Variants in ADAMTS14 observed in about 807,000 individuals in gnomAD.
ADAMTS14 encodes the protein A disintegrin and metalloproteinase with thrombospondin motifs 14.
Under a neutral mutation model 128.6 loss-of-function variants are expected in ADAMTS14, and 100 were observed. That is an observed-to-expected ratio of 0.78 (90% confidence interval 0.66 to 0.92). ADAMTS14 has a LOEUF of 0.92. Among genes scored for constraint, ADAMTS14 ranks in the 40% least tolerant of loss-of-function variants. ADAMTS14 has a pLI of 0.00. For missense variants in ADAMTS14, 1,562 were observed against 1,658.6 expected, an observed-to-expected ratio of 0.94 and a Z score of 1.01; for synonymous variants, 665 against 653.8, an observed-to-expected ratio of 1.02 and a Z score of -0.26.
At chr10:70,720,805 A>C (rs555112760) in intron 4 of ADAMTS14, among the ~76,000 whole-genome samples, 1 of 152,304 alleles carries the variant, frequency 6.6e-6, no homozygotes, top group Non-Finnish European at 1.5e-5. Context: ...GTTTGTGTAG[A>C]TACACGCACC....
intron 3 of ADAMTS14, among the ~76,000 whole-genome samples, chr10:70,703,970 G>C (rs1227979040): frequency 6.6e-6 from 1 of 152,236 alleles, no homozygotes; most frequent in Non-Finnish European, 1.5e-5. Context: ...CAGTCGTGGG[G>C]CTGAGCCCAG....
intron 4 of ADAMTS14, among the ~76,000 whole-genome samples, chr10:70,723,211 A>G (rs1841325426): frequency 6.6e-6 from 1 of 152,204 alleles, no homozygotes; most frequent in Non-Finnish European, 1.5e-5. Flanking sequence ...AGTGCTGCTC[A>G]AGACTTTTGA....
At chr10:70,750,744 G>A (rs1280787952) in intron 16 of ADAMTS14, among the ~76,000 whole-genome samples, 1 of 152,144 alleles carries the variant, frequency 6.6e-6, no homozygotes, top group Non-Finnish European at 1.5e-5. Context: ...GCCATTCAAT[G>A]GGGAAAGAAT....
In ADAMTS14 at chr10:70,744,093, T is replaced by A; in HGVS notation, c.2086T>A (p.Ser696Thr). ...VPVGCDKEVG[S>T]MKADDKCGVC... ...TGTCGGCTGTGACAAGGAGGTGGGGTCCATGAAGGCGGATGACAAGTGTGG... is the reference window on the plus strand; with the variant it reads ...TGTCGGCTGTGACAAGGAGGTGGGGACCATGAAGGCGGATGACAAGTGTGG... The change falls in exon 14 of 22, where the codon TCC becomes ACC. Residue 696 changes from serine (S) to threonine (T), a missense_variant. By Grantham distance (58) the Ser-to-Thr change is moderately conservative. Transcript: ENST00000373207. 6.4e-7 allele frequency: 1 copy of A among 1,565,018 alleles called. No homozygotes were observed. Among genetic ancestry groups the A allele is most frequent in the East Asian group, 2.4e-5 (1 of 41,818 alleles).
chr10:70,688,276 C>G (rs1168055653), intron 2 of ADAMTS14, among the ~76,000 whole-genome samples: 1 of 65,652 alleles, frequency 1.5e-5, no homozygotes, highest in Non-Finnish European at 3.2e-5. Flanking sequence ...GATGGGCGGC[C>G]GGGCAGAGAG....
chr10:70,712,196 C>T (rs773904903), intron 4 of ADAMTS14, among the ~76,000 whole-genome samples: 6 of 151,914 alleles, frequency 3.9e-5, no homozygotes, highest in Admixed American at 1.3e-4. Context: ...TAGGAGGCCA[C>T]GCTGAGAGCC....
chr10:70,757,150 C>T (rs1459588280), intron 19 of ADAMTS14, among the ~76,000 whole-genome samples: 1 of 152,090 alleles, frequency 6.6e-6, no homozygotes, highest in African/African-American at 2.4e-5. Flanking sequence ...CGCTGCTTTC[C>T]TGGAGTCCCT....
chr10:70,751,548 T>C lies in ADAMTS14; in HGVS notation c.2498T>C (p.Leu833Pro), dbSNP rs751338992. The change falls in exon 17 of 22, where the codon CTG (leucine) becomes CCG (proline). Residue 833 changes from leucine (L) to proline (P), a missense_variant. By Grantham distance (98) the Leu-to-Pro change is moderately conservative (BLOSUM62 -3). Transcript: ENST00000373207. ...AYKYVIHEDL[L>P]PLIGSNNVLL... ...AAGTACGTCATCCATGAGGACCTGC[T>C]GCCCCTTATCGGGAGCAACAATGTG... is the stretch of plus-strand genomic sequence containing the variant. The C allele has an allele frequency of 2.9e-5, 47 of 1,613,736 alleles. No individual in the cohort carries two copies. The East Asian group carries it at 1.0e-3, about 35-fold the overall frequency.
At chr10:70,746,394 A>G (rs1289933307) in intron 15 of ADAMTS14, among the ~76,000 whole-genome samples, 1 of 152,242 alleles carries the variant, frequency 6.6e-6, no homozygotes, top group Non-Finnish European at 1.5e-5. Context: ...ACAGAGAGAG[A>G]ATAGATCCGT....
chr10:70,697,278 C>T (rs1315869258), intron 2 of ADAMTS14, among the ~76,000 whole-genome samples: 2 of 152,230 alleles, frequency 1.3e-5, no homozygotes, highest in Non-Finnish European at 2.9e-5. Flanking sequence ...GGGCATTTGG[C>T]AAACGTAGGC....
Position 70,744,180 on chromosome 10 carries a change from A to G in ADAMTS14, c.2173A>G (p.Lys725Glu). The part of the protein sequence containing the change: ...TVKGTLGKAS[K>E]QAGALKLVQI... The stretch of plus-strand genomic sequence containing the variant: ...GAAGGGGACGCTGGGCAAGGCCTCC[A>G]AGCAGGCAGGTGAGCCGGGCTGGGG... The change falls in exon 14 of 22, where the codon AAG becomes GAG. Residue 725 changes from lysine (K) to glutamate (E), a missense_variant. Lys to Glu is a moderately conservative substitution (Grantham distance 56). Coordinates refer to ENST00000373207, the MANE Select transcript of ADAMTS14 (RefSeq NM_080722.4). The G allele has an allele frequency of 6.5e-7, 1 of 1,534,438 alleles. No homozygotes were observed. The highest frequency in any genetic ancestry group is 2.0e-5 in the Admixed American group (1 of 50,246).
chr10:70,735,065 C>T, intron 8 of ADAMTS14, 104 bp from the exon 9 acceptor site: 1 of 1,450,430 alleles, frequency 6.9e-7, no homozygotes, highest in Non-Finnish European at 9.3e-7. Context: ...ATAGCGGGTG[C>T]AAATTCTTGC....
At chr10:70,722,355 C>G (rs36092742) in intron 4 of ADAMTS14, among the ~76,000 whole-genome samples, 20,957 of 152,170 alleles carry the variant, frequency 0.14, 1,763 homozygotes, top group Middle Eastern at 0.2. Context: ...GGCCATTCCT[C>G]TGTCTTCAAG....
At chr10:70,684,172 C>A (rs1839891555) in intron 2 of ADAMTS14, among the ~76,000 whole-genome samples, 1 of 151,848 alleles carries the variant, frequency 6.6e-6, no homozygotes, top group African/African-American at 2.4e-5. Flanking sequence ...GTGCTACACA[C>A]TTTTAAACAA....
chr10:70,708,534 A>AG, intron 3 of ADAMTS14, 54 bp from the exon 4 acceptor site: 5 of 1,510,840 alleles, frequency 3.3e-6, no homozygotes, highest in Non-Finnish European at 4.5e-6. Flanking sequence ...GCAATGTCAC[A>AG]GTGACAGCCC....
intron 19 of ADAMTS14, among the ~76,000 whole-genome samples, chr10:70,755,065 G>C (rs1005068534): frequency 1.3e-5 from 2 of 152,148 alleles, no homozygotes; most frequent in Admixed American, 1.3e-4. Context: ...CAGATCTTTG[G>C]GAGGCTGATG....
intron 4 of ADAMTS14, among the ~76,000 whole-genome samples, chr10:70,712,883 T>G (rs1840905670): frequency 6.6e-6 from 1 of 152,184 alleles, no homozygotes; most frequent in Admixed American, 6.5e-5. Flanking sequence ...AGTGGCAGCA[T>G]CTCCCAGGCT....
At position 70,677,413 on chromosome 10, in the gene ADAMTS14, G is replaced by GATATTTGTCC. The variant is rs1161710752; in HGVS notation, c.522+2419_522+2420insTATTTGTCCA. The stretch of plus-strand genomic sequence containing the variant: ...GCTTTACTCTTCTCATTTGTCCAAA[G>GATATTTGTCC]AGGGACTATACTTGATATTCCCTGG... On this transcript the variant is annotated intron_variant, in intron 2 of 21. Transcript: ENST00000373207. Among the ~76,000 whole-genome samples, 41 of 152,312 alleles carry GATATTTGTCC rather than the reference G, an allele frequency of 2.7e-4. 2 individuals carry two copies. In the South Asian group the frequency reaches 7.9e-3, roughly 29 times the overall value.
At chr10:70,746,298 A>G (rs376927775) in intron 15 of ADAMTS14, among the ~76,000 whole-genome samples, 13 of 152,244 alleles carry the variant, frequency 8.5e-5, no homozygotes, top group Admixed American at 6.5e-4. Context: ...GGCCATTAAT[A>G]TAATATGAGT....
Sources: allele counts gnomAD v4.1 joint callset (sites outside exome capture counted in the v4.1 genomes callset), GRCh38; gene constraint gnomAD v4.1.1; transcripts MANE v1.5; gene names NCBI Gene and HGNC (gene_info 2026-07-23, HGNC 2026-07-21).